The following MAPK4 variants were observed in gnomAD, a reference collection of about 807,000 sequenced individuals.
The protein encoded by MAPK4 is mitogen-activated protein kinase 4, also known as Erk3-related.
In MAPK4, 22 loss-of-function variants were observed where a neutral mutation model predicts 47.7. That is an observed-to-expected ratio of 0.46 (90% CI 0.33 to 0.66). The LOEUF (loss-of-function observed/expected upper bound fraction) is 0.66, where lower values mean the gene tolerates loss of function less well. Ranked by LOEUF, MAPK4 falls within the 30% of genes least tolerant of loss-of-function variation. The probability of loss-of-function intolerance (pLI) is 0.02; values close to 1 mark genes in which losing one functional copy is unlikely to be tolerated. For synonymous variants in MAPK4, 390 were observed against 365.7 expected, an observed-to-expected ratio of 1.07 and a Z score of -0.76; for missense variants, 736 against 831.7, an observed-to-expected ratio of 0.88 and a Z score of 1.42.
At chr18:50,718,073 C>T (rs560635967) in intron 3 of MAPK4, among the ~76,000 whole-genome samples, 1 of 152,140 alleles carries the variant, frequency 6.6e-6, no homozygotes, top group Non-Finnish European at 1.5e-5. Context: ...CCAGGACAGC[C>T]CACCTCTTTT....
intron 5 of MAPK4, among the ~76,000 whole-genome samples, chr18:50,727,196 G>T (rs1218239358): frequency 6.6e-6 from 1 of 152,138 alleles, no homozygotes; most frequent in East Asian, 1.9e-4. Flanking sequence ...TAAACATTTG[G>T]GCATCACCAT....
intron 1 of MAPK4, among the ~76,000 whole-genome samples, chr18:50,635,345 G>A (rs540577133): frequency 2.0e-4 from 30 of 151,996 alleles, no homozygotes; most frequent in African/African-American, 6.5e-4. Flanking sequence ...CCCAACATTC[G>A]GGCCCTTTAC....
intron 2 of MAPK4, among the ~76,000 whole-genome samples, chr18:50,680,657 A>G (rs1412679834): frequency 6.6e-6 from 1 of 152,078 alleles, no homozygotes; most frequent in African/African-American, 2.4e-5. Flanking sequence ...TAGTCCGAAT[A>G]TTTCACATAA....
At chr18:50,611,088 C>T (rs944254307) in intron 1 of MAPK4, among the ~76,000 whole-genome samples, 1 of 152,116 alleles carries the variant, frequency 6.6e-6, no homozygotes, top group African/African-American at 2.4e-5. Context: ...TGACAGTCTT[C>T]TTACATGAGT....
intron 3 of MAPK4, 89 bp downstream of exon 3, chr18:50,715,312 C>G: frequency 7.1e-7 from 1 of 1,415,476 alleles, no homozygotes; most frequent in Non-Finnish European, 9.5e-7. Flanking sequence ...AATCACAAAA[C>G]ATGCTCATCT....
intron 1 of MAPK4, among the ~76,000 whole-genome samples, chr18:50,604,336 G>A (rs967842611): frequency 1.3e-5 from 2 of 152,198 alleles, no homozygotes; most frequent in Admixed American, 6.5e-5. Context: ...TTTTGATGCT[G>A]AGAGTGATCA....
At chr18:50,585,007 T>G (rs1461039325) in intron 1 of MAPK4, among the ~76,000 whole-genome samples, 1 of 152,262 alleles carries the variant, frequency 6.6e-6, no homozygotes, top group Admixed American at 6.5e-5. Flanking sequence ...GTCCATCATT[T>G]GATTCTGTGT....
intron 1 of MAPK4, among the ~76,000 whole-genome samples, chr18:50,560,991 GC>G (rs888204407): frequency 1.3e-5 from 2 of 152,274 alleles, no homozygotes; most frequent in Non-Finnish European, 2.9e-5. Flanking sequence ...CGTAGGTGAA[GC>G]CGGGGTGGGC....
rs114824009 is a variant in MAPK4, at chr18:50,654,514, C to G, written c.-870-8575C>G. On this transcript the variant is annotated intron_variant, in intron 1 of 5. Transcript: ENST00000400384. Reference sequence around the variant, plus strand: ...TTTAGCCACTGAAGTCATAATTGCACTGATTTAGATTTTGAAAGAGGCCAC... The same window carrying G: ...TTTAGCCACTGAAGTCATAATTGCAGTGATTTAGATTTTGAAAGAGGCCAC... Among the ~76,000 whole-genome samples the G allele has an allele frequency of 3.4e-3, 522 of 152,350 alleles. 6 individuals are homozygous for G. The highest frequency in any genetic ancestry group is 0.012 in the African/African-American group (487 of 41,574).
chr18:50,653,854 T>C (rs1188390476), intron 1 of MAPK4, among the ~76,000 whole-genome samples: 2 of 152,158 alleles, frequency 1.3e-5, no homozygotes, highest in Non-Finnish European at 2.9e-5. Flanking sequence ...AAGGCAGGGA[T>C]TGGTGCCAGA....
intron 4 of MAPK4, among the ~76,000 whole-genome samples, chr18:50,723,977 C>T (rs922251070): frequency 2.0e-5 from 3 of 151,982 alleles, no homozygotes; most frequent in Non-Finnish European, 2.9e-5. Context: ...GATTTTCATC[C>T]GTGATGGAGT....
intron 3 of MAPK4, among the ~76,000 whole-genome samples, chr18:50,718,905 A>T (rs1051599866): frequency 2.6e-5 from 4 of 151,880 alleles, no homozygotes; most frequent in Non-Finnish European, 5.9e-5. Flanking sequence ...AACATGGTGG[A>T]ACCCCGTCTC....
chr18:50,711,467 G>A (rs1178813266), intron 2 of MAPK4, among the ~76,000 whole-genome samples: 2 of 152,264 alleles, frequency 1.3e-5, no homozygotes, highest in Admixed American at 6.5e-5. Context: ...ACAGAGAACT[G>A]TGGGAGTGTG....
intron 1 of MAPK4, among the ~76,000 whole-genome samples, chr18:50,597,351 A>G (rs2042491302): frequency 6.6e-6 from 1 of 152,064 alleles, no homozygotes; most frequent in Non-Finnish European, 1.5e-5. Flanking sequence ...GCTAGTTTCC[A>G]CTCCCAGCGG....
At chr18:50,651,950 A>G (rs1405347427) in intron 1 of MAPK4, among the ~76,000 whole-genome samples, 2 of 152,232 alleles carry the variant, frequency 1.3e-5, no homozygotes, top group African/African-American at 2.4e-5. Context: ...AAGGGGTCAC[A>G]CTACCAGCCC....
At chr18:50,597,794 G>C (rs1299724757) in intron 1 of MAPK4, among the ~76,000 whole-genome samples, 1 of 152,092 alleles carries the variant, frequency 6.6e-6, no homozygotes, top group Non-Finnish European at 1.5e-5. Context: ...CACTTCTTTG[G>C]GCTGCAAAAT....
intron 1 of MAPK4, among the ~76,000 whole-genome samples, chr18:50,601,097 TAAAAA>T (rs3080769): frequency 2.2e-5 from 3 of 134,474 alleles, no homozygotes; most frequent in Non-Finnish European, 1.6e-5. Flanking sequence ...CCTATCTCTG[TAAAAA>T]AAAAAAAAAA....
intron 2 of MAPK4, among the ~76,000 whole-genome samples, chr18:50,686,365 C>T (rs1015044067): frequency 9.2e-5 from 14 of 152,196 alleles, no homozygotes; most frequent in Non-Finnish European, 1.8e-4. Context: ...AGATTTCCAG[C>T]AACAGGAGTT....
chr18:50,729,526 C>T lies in MAPK4; in HGVS notation c.1436C>T (p.Thr479Met), dbSNP rs1030394148. ...APPTATGLAD[T>M]GAREDEPASL... ...CCCACGGCCACGGGGCTGGCGGACA[C>T]GGGGGCGCGCGAGGACGAGCCGGCC... Residue 479 changes from threonine (T) to methionine (M), a missense_variant, in exon 6 of 6, where the codon ACG (threonine) becomes ATG (methionine). Physicochemically the swap from Thr to Met is moderately conservative, Grantham distance 81. Around this residue, in one of 3 missense-constraint regions of MAPK4, gnomAD observed 377 missense variants for 378.6 expected, o/e 1.00. Transcript: ENST00000400384. The T allele has an allele frequency of 7.0e-7, 1 of 1,433,478 alleles. No individual in the cohort carries two copies. The highest frequency in any genetic ancestry group is 1.5e-5 in the African/African-American group (1 of 68,582). The allele number at this position is 1,433,478 out of a possible 1,614,324, so 88.8% of individuals were successfully genotyped here. A position where few individuals can be genotyped will look rare whatever the true frequency, so the allele number is the denominator to read the frequency against.
Sources: allele counts gnomAD v4.1 joint callset (sites outside exome capture counted in the v4.1 genomes callset), GRCh38; gene constraint gnomAD v4.1.1; regional missense constraint gnomAD v4.1.1; transcripts MANE v1.5; gene names NCBI Gene and HGNC (gene_info 2026-07-23, HGNC 2026-07-21).